XAB2: variants seen among roughly 807,000 people sequenced by gnomAD.
The protein encoded by XAB2 is pre-mRNA-splicing factor SYF1.
In XAB2, 57 loss-of-function variants were observed where a neutral mutation model predicts 113.4. The observed-to-expected ratio is 0.50, with a 90% CI of 0.41 to 0.63. The LOEUF (loss-of-function observed/expected upper bound fraction) is 0.63. XAB2 is among the 20% of genes least tolerant of loss of function. The pLI is 0.00. For missense variants in XAB2, 1,037 were observed against 1,233.3 expected (o/e 0.84, Z 2.38); for synonymous variants, 497 against 498.8 (o/e 1.00, Z 0.05).
At chr19:7,621,109 C>CCCCCCAG in intron 13 of XAB2, 26 bp downstream of exon 13, 1 of 1,540,324 alleles carries the variant, frequency 6.5e-7, no homozygotes, top group Non-Finnish European at 8.8e-7. Flanking sequence ...GCCCGCCACC[C>CCCCCCAG]CCCCCATGCC....
chr19:7,620,667 C>T lies in XAB2; in HGVS notation c.1974G>A (p.Val658=). The change falls in exon 15 of 19, where the codon GTG becomes GTA. Residue 658 remains valine, a splice_region_variant and synonymous_variant. Transcript: ENST00000358368. The part of the protein sequence containing the change: ...TRGIYQKAIE[V]LSDEHAREMC... ...TCTCACGCGCGTGCTCGTCCGACAG[C>T]ACCTGGACACCGGGGTTGGGGAGGC... 6.2e-7 allele frequency: 1 copy of T among 1,612,594 alleles called. No homozygotes were observed. Among genetic ancestry groups the T allele is most frequent in the Non-Finnish European group, 8.5e-7 (1 of 1,179,810 alleles).
At position 7,623,735 on chromosome 19, in the gene XAB2, CG is replaced by C; in HGVS notation, c.1114del (p.Arg372GlyfsTer53). 3 of 1,599,368 alleles carry C rather than the reference CG, an allele frequency of 1.9e-6. No homozygotes were observed. ...ACTGGGGCAGGCTTCATGTACCTCC[CG>C]GGGGCGGCCCTGGTGCAGGGCGACA... Reference protein sequence around the residue: ...KRVALHQGRPREIINTYTEAV... With the variant: ...KRVALHQGRPXEIINTYTEAV... On this transcript the variant is annotated frameshift_variant, in exon 8 of 19. Coordinates refer to ENST00000358368, the MANE Select transcript of XAB2 (RefSeq NM_020196.3). LOFTEE classifies it high-confidence loss of function. The surrounding 1 kb of genome is among the most constrained non-coding windows in gnomAD (Gnocchi z 4.6).
chr19:7,621,164 A>G lies in XAB2; in HGVS notation c.1751T>C (p.Leu584Pro). The change falls in exon 13 of 19, where the codon CTG (leucine) becomes CCG (proline). Residue 584 changes from leucine (L) to proline (P), a missense_variant. Coordinates refer to ENST00000358368, the MANE Select transcript of XAB2 (RefSeq NM_020196.3). ...ERARDLFEQALDGCPPKYAKT... is the reference protein window; with the variant it reads ...ERARDLFEQAPDGCPPKYAKT... ...GGCATATTTTGGGGGGCAGCCGTCC[A>G]GAGCCTGTTCAAACAGGTCCCGTGC... is the stretch of plus-strand genomic sequence containing the variant. 6.3e-7 allele frequency: 1 copy of G among 1,576,492 alleles called. No homozygotes were observed. The highest frequency in any genetic ancestry group is 8.6e-7 in the Non-Finnish European group (1 of 1,163,822).
chr19:7,623,100 AC>A lies in XAB2; in HGVS notation c.1239+69del, dbSNP rs2031070323. 1 of 1,593,964 alleles carries A rather than the reference AC, an allele frequency of 6.3e-7. No individual in the cohort carries two copies. Among genetic ancestry groups the A allele is most frequent in the Non-Finnish European group, 8.6e-7 (1 of 1,169,418 alleles). ...CATCCATGCACAAATATGTACACAC[AC>A]ATACATGCACACATATACAAGCACA... On this transcript the variant is annotated intron_variant, in intron 9 of 18. Coordinates refer to ENST00000358368, the MANE Select transcript of XAB2 (RefSeq NM_020196.3). This position sits in a 1 kb window ranked among gnomAD's most constrained non-coding sequence, Gnocchi z 4.6.
rs748803603 is a variant in XAB2, at chr19:7,623,091, T to C, written c.1239+79A>G. On this transcript the variant is annotated intron_variant, in intron 9 of 18. Transcript: ENST00000358368. This position sits in a 1 kb window ranked among gnomAD's most constrained non-coding sequence, Gnocchi z 4.6. ...ACGTGCACACATCCATGCACAAATATGTACACACACATACATGCACACATA... is the reference window on the plus strand; with the variant it reads ...ACGTGCACACATCCATGCACAAATACGTACACACACATACATGCACACATA... 3 of 1,586,830 alleles carry C rather than the reference T, an allele frequency of 1.9e-6. No individual in the cohort carries two copies. Among genetic ancestry groups the C allele is most frequent in the East Asian group, 2.2e-5 (1 of 44,492 alleles).
Position 7,624,554 on chromosome 19 carries a change from T to G in XAB2, c.823-109A>C, listed in dbSNP as rs2031100976. Reference sequence around the variant, plus strand: ...GAACCCCTGGGGGCCTTCTGGGTAGTGACGCATCCAGCACCTCTGGGTAGT... The same window carrying G: ...GAACCCCTGGGGGCCTTCTGGGTAGGGACGCATCCAGCACCTCTGGGTAGT... On this transcript the variant is annotated intron_variant, in intron 6 of 18. Coordinates refer to ENST00000358368, the MANE Select transcript of XAB2 (RefSeq NM_020196.3). This position sits in a 1 kb window ranked among gnomAD's most constrained non-coding sequence, Gnocchi z 4.2. 1.3e-6 allele frequency: 2 copies of G among 1,516,120 alleles called. No homozygotes were observed. The highest frequency in any genetic ancestry group is 2.7e-5 in the African/African-American group (2 of 73,322). The allele number at this position is 1,516,120 out of a possible 1,614,324, so 93.9% of individuals were successfully genotyped here.
rs752283214 is a variant in XAB2 at position 7,621,286 on chromosome 19, G to A, written c.1629C>T (p.Arg543=). The stretch of plus-strand genomic sequence containing the variant: ...TGGGCCACTTGAACAGCGAGATGCC[G>A]CGCTCGTACGCCTGTTACCAGAGGG... ...YFEESFKAYE[R]GISLFKWPNV... Residue 543 remains arginine (R), a synonymous_variant, in exon 13 of 19, where the codon CGC becomes CGT. Transcript: ENST00000358368. The A allele has an allele frequency of 1.3e-5, 21 of 1,612,836 alleles. No individual in the cohort carries two copies. The highest frequency in any genetic ancestry group is 1.7e-5 in the Non-Finnish European group (20 of 1,179,924).
rs759059977 is a variant in XAB2 at position 7,623,276 on chromosome 19, T to C, written c.1133A>G (p.Tyr378Cys). The C allele has an allele frequency of 1.7e-5, 28 of 1,613,276 alleles. No homozygotes were observed. The highest frequency in any genetic ancestry group is 2.0e-5 in the Non-Finnish European group (24 of 1,179,942). The change falls in exon 9 of 19, where the codon TAC becomes TGC. Residue 378 changes from tyrosine to cysteine, a missense_variant. Transcript: ENST00000358368. The surrounding 1 kb of genome is among the most constrained non-coding windows in gnomAD (Gnocchi z 4.6). Reference sequence around the variant, plus strand: ...GTCCACCGTCTGCACAGCCTCTGTGTAGGTGTTGATGATCTGGGGACAGGA... The same window carrying C: ...GTCCACCGTCTGCACAGCCTCTGTGCAGGTGTTGATGATCTGGGGACAGGA... ...QGRPREIINT[Y>C]TEAVQTVDPF...
In XAB2 at chr19:7,626,153, C is replaced by T. The variant is rs866391225; in HGVS notation, c.640G>A (p.Gly214Ser). Residue 214 changes from glycine to serine, a missense_variant, in exon 5 of 19, where the codon GGC becomes AGC. By Grantham distance (56) the Gly-to-Ser change is moderately conservative. Transcript: ENST00000358368. ...VNDERFVSKAGKSNYQLWHEL... is the reference protein window; with the variant it reads ...VNDERFVSKASKSNYQLWHEL... ...AGGCCCACCTGGTAGTTGGACTTGC[C>T]GGCCTTAGACACGAAACGCTCGTCG... 9 of 1,613,650 alleles carry T rather than the reference C, an allele frequency of 5.6e-6. No homozygotes were observed. Among genetic ancestry groups the T allele is most frequent in the African/African-American group, 2.7e-5 (2 of 75,064 alleles).
chr19:7,628,365 C>G lies in XAB2; in HGVS notation c.52-67G>C. ...AGAGCCTGTGTGCAGCACCATCCCA[C>G]TGCTGGGGCTCAGGTCCAAACTCCG... On this transcript the variant is annotated intron_variant, in intron 1 of 18. Transcript: ENST00000358368. This position sits in a 1 kb window ranked among gnomAD's most constrained non-coding sequence, Gnocchi z 4.6. 2 of 1,596,732 alleles carry G rather than the reference C, an allele frequency of 1.3e-6. No homozygotes were observed. The highest frequency in any genetic ancestry group is 2.2e-5 in the South Asian group (2 of 90,114).
chr19:7,619,787 G>A lies in XAB2; in HGVS notation c.2466C>T (p.Gly822=), dbSNP rs754790580. 25 of 1,612,790 alleles carry A rather than the reference G, an allele frequency of 1.6e-5. No homozygotes were observed. Among genetic ancestry groups the A allele is most frequent in the Admixed American group, 6.7e-5 (4 of 59,882 alleles). The change falls in exon 18 of 19, where the codon GGC becomes GGT. Residue 822 remains glycine (G), a synonymous_variant. Coordinates refer to ENST00000358368, the MANE Select transcript of XAB2 (RefSeq NM_020196.3). The part of the protein sequence containing the change: ...QQVNPEEIQL[G]EDEDEDEMDL... ...CCATCTCGTCCTCGTCCTCGTCCTCGCCCAGCTGGATCTCCTCGGGGTTGA... is the reference window on the plus strand; with the variant it reads ...CCATCTCGTCCTCGTCCTCGTCCTCACCCAGCTGGATCTCCTCGGGGTTGA...
chr19:7,625,009 A>G lies in XAB2; in HGVS notation c.823-564T>C, dbSNP rs971598740. 6.6e-6 allele frequency among the ~76,000 whole-genome samples: 1 copy of G among 152,152 alleles called. No homozygotes were observed. The highest frequency in any genetic ancestry group is 1.5e-5 in the Non-Finnish European group (1 of 68,016). ...CTGGAAGGGGCGCTGCGAAGCGCAT[A>G]CCGCCCACACCCCACTGGCGGCTCC... is the stretch of plus-strand genomic sequence containing the variant. On this transcript the variant is annotated intron_variant, in intron 6 of 18. Coordinates refer to ENST00000358368, the MANE Select transcript of XAB2 (RefSeq NM_020196.3). The surrounding 1 kb of genome is among the most constrained non-coding windows in gnomAD (Gnocchi z 5.2).
chr19:7,621,071 C>A lies in XAB2; in HGVS notation c.1781-35G>T. The A allele has an allele frequency of 2.6e-6, 4 of 1,536,556 alleles. No individual in the cohort carries two copies. In the South Asian group the frequency reaches 4.9e-5, roughly 19 times the overall value. On this transcript the variant is annotated intron_variant, in intron 13 of 18. Transcript: ENST00000358368. ...GTAGGCGGGGAGAGGGGAGCACGGT[C>A]AGCCGGGGCCAGTCAGAAACCCAGC...
rs201538360 is a variant in XAB2 at position 7,623,701 on chromosome 19, A to G, written c.1119+30T>C. The G allele has an allele frequency of 1.5e-5, 23 of 1,552,624 alleles. No individual in the cohort carries two copies. In the African/African-American group the frequency reaches 3.1e-4, roughly 21 times the overall value. On this transcript the variant is annotated intron_variant, in intron 8 of 18. Coordinates refer to ENST00000358368, the MANE Select transcript of XAB2 (RefSeq NM_020196.3). This position sits in a 1 kb window ranked among gnomAD's most constrained non-coding sequence, Gnocchi z 4.6. The stretch of plus-strand genomic sequence containing the variant: ...CCAGTTCTGCAGGAAACTGGCCCTC[A>G]GGGGTAGGACTGGGGCAGGCTTCAT...
Position 7,623,579 on chromosome 19 carries a change from G to A in XAB2, c.1119+152C>T. ...CTGTGGCTCTGAGGGGCGGGGCTCGGGCAGGAGGAGAACCCCAAGAACAGG... is the reference window on the plus strand; with the variant it reads ...CTGTGGCTCTGAGGGGCGGGGCTCGAGCAGGAGGAGAACCCCAAGAACAGG... On this transcript the variant is annotated intron_variant, in intron 8 of 18. Coordinates refer to ENST00000358368, the MANE Select transcript of XAB2 (RefSeq NM_020196.3). The surrounding 1 kb of genome is among the most constrained non-coding windows in gnomAD (Gnocchi z 4.6). 1 of 1,183,784 alleles carries A rather than the reference G, an allele frequency of 8.4e-7. No homozygotes were observed. Among genetic ancestry groups the A allele is most frequent in the Non-Finnish European group, 1.2e-6 (1 of 857,406 alleles). The allele number at this position is 1,183,784 out of a possible 1,614,324, so 73.3% of individuals were successfully genotyped here.
At position 7,624,506 on chromosome 19, in the gene XAB2, C is replaced by G. The variant is rs1223190762; in HGVS notation, c.823-61G>C. 6.2e-7 allele frequency: 1 copy of G among 1,607,980 alleles called. No individual in the cohort carries two copies. Among genetic ancestry groups the G allele is most frequent in the African/African-American group, 1.3e-5 (1 of 74,884 alleles). On this transcript the variant is annotated intron_variant, in intron 6 of 18. Coordinates refer to ENST00000358368, the MANE Select transcript of XAB2 (RefSeq NM_020196.3). This position sits in a 1 kb window ranked among gnomAD's most constrained non-coding sequence, Gnocchi z 4.2. ...GTGGCGCAGGGGACAGGCAGCAGCA[C>G]TCTTAGCACCAGCCTCAATGTGGAA... is the stretch of plus-strand genomic sequence containing the variant.
Position 7,627,134 on chromosome 19 carries a change from G to T in XAB2, c.522+109C>A. 1 of 1,246,580 alleles carries T rather than the reference G, an allele frequency of 8.0e-7. No homozygotes were observed. Among genetic ancestry groups the T allele is most frequent in the Non-Finnish European group, 1.1e-6 (1 of 885,690 alleles). The allele number at this position is 1,246,580 out of a possible 1,614,324, so 77.2% of individuals were successfully genotyped here. On this transcript the variant is annotated intron_variant, in intron 4 of 18. Coordinates refer to ENST00000358368, the MANE Select transcript of XAB2 (RefSeq NM_020196.3). The surrounding 1 kb of genome is among the most constrained non-coding windows in gnomAD (Gnocchi z 4.5). ...CAACAAAACACATGCATCTCCAGGAGCCTCTTCCCACATCCCGTCTGCTGG... is the reference window on the plus strand; with the variant it reads ...CAACAAAACACATGCATCTCCAGGATCCTCTTCCCACATCCCGTCTGCTGG...
chr19:7,621,095 G>GGCCCCCCCCCCCC, intron 13 of XAB2, 40 bp downstream of exon 13: 1 of 1,486,286 alleles, frequency 6.7e-7, no homozygotes, highest in South Asian at 1.2e-5. Context: ...CAGAAACCCA[G>GGCCCCCCCCCCCC]CCCGCCCGCC....
chr19:7,625,398 C>T lies in XAB2; in HGVS notation c.822+482G>A, dbSNP rs149053526. 4.6e-5 allele frequency among the ~76,000 whole-genome samples: 7 copies of T among 151,494 alleles called. No homozygotes were observed. Among genetic ancestry groups the T allele is most frequent in the African/African-American group, 9.7e-5 (4 of 41,278 alleles). ...GCTGACTCCAAGGCTGACGTGCCTG[C>T]GGGCAGGAGTGCTCCCCCACCCTCA... On this transcript the variant is annotated intron_variant, in intron 6 of 18. Coordinates refer to ENST00000358368, the MANE Select transcript of XAB2 (RefSeq NM_020196.3). The surrounding 1 kb of genome is among the most constrained non-coding windows in gnomAD (Gnocchi z 5.2).
Sources: gnomAD v4.1 joint callset for allele counts (sites outside exome capture counted in the v4.1 genomes callset) on GRCh38, gnomAD v4.1.1 for gene constraint, Gnocchi (gnomAD v3.1) non-coding constraint, MANE v1.5 for transcripts, NCBI Gene and HGNC (gene_info 2026-07-23, HGNC 2026-07-21) for gene names.